The following LRRC37A2 variants were observed in gnomAD, a reference collection of about 807,000 sequenced individuals.
LRRC37A2 encodes leucine rich repeat containing 37 member A2, also known as leucine-rich repeat-containing protein 37A2.
LRRC37A2 carries 9 observed loss-of-function variants against 68.8 expected under a neutral mutation model. The observed-to-expected ratio is 0.13, with a 90% CI of 0.08 to 0.23. LRRC37A2 has a LOEUF of 0.23. Ranked by LOEUF, LRRC37A2 falls within the 10% of genes least tolerant of loss-of-function variation. The probability of loss-of-function intolerance (pLI) is 1.00; values close to 1 mark genes in which losing one functional copy is unlikely to be tolerated. For synonymous variants in LRRC37A2, 63 were observed against 367.6 expected (o/e 0.17, Z 9.48); for missense variants, 168 against 950.4 (o/e 0.18, Z 10.82).
chr17:46,928,210 T>C, the LRRC37A2 span, among the ~76,000 whole-genome samples: 1 of 152,304 alleles, frequency 6.6e-6, no homozygotes, highest in Admixed American at 6.5e-5. Context: ...GGGAGTCATT[T>C]GACAGCTCAC....
At chr17:46,786,286 G>A in the LRRC37A2 span, among the ~76,000 whole-genome samples, 1 of 152,124 alleles carries the variant, frequency 6.6e-6, no homozygotes, top group African/African-American at 2.4e-5. Flanking sequence ...AGAAGCGGGG[G>A]ATGGAGGGGT....
the LRRC37A2 span, chr17:46,704,937 G>A: frequency 1.2e-5 from 17 of 1,384,904 alleles, no homozygotes; most frequent in Non-Finnish European, 1.7e-5. Context: ...CATTTACTCA[G>A]TATTATGGAA....
chr17:46,905,504 C>T, the LRRC37A2 span, among the ~76,000 whole-genome samples: 2 of 152,202 alleles, frequency 1.3e-5, no homozygotes, highest in African/African-American at 2.4e-5. Flanking sequence ...TCAGCTGAGT[C>T]GTAAGTTGTT....
At chr17:46,575,581 T>C in the LRRC37A2 span, among the ~76,000 whole-genome samples, 1 of 118,838 alleles carries the variant, frequency 8.4e-6, no homozygotes, top group African/African-American at 3.2e-5. Context: ...GTTTTGCCCA[T>C]TATCTTTTTC....
At chr17:46,377,673 G>T in the LRRC37A2 span, among the ~76,000 whole-genome samples, 1 of 60,600 alleles carries the variant, frequency 1.7e-5, no homozygotes, top group Non-Finnish European at 8.0e-5. Flanking sequence ...GGGTTCAAGC[G>T]ATTCTCCCGC....
the LRRC37A2 span, chr17:47,017,249 G>A: frequency 6.2e-7 from 1 of 1,611,494 alleles, no homozygotes; most frequent in African/African-American, 1.3e-5. Context: ...TGCGTTTCTG[G>A]GGCCCATGGC....
chr17:46,933,805 A>C, the LRRC37A2 span, among the ~76,000 whole-genome samples: 1 of 151,958 alleles, frequency 6.6e-6, no homozygotes, highest in Non-Finnish European at 1.5e-5. Flanking sequence ...TCTACAAAAA[A>C]ATATAAAAAT....
chr17:46,907,689 CAA>C, the LRRC37A2 span, among the ~76,000 whole-genome samples: 1 of 123,978 alleles, frequency 8.1e-6, no homozygotes, highest in African/African-American at 3.5e-5. Flanking sequence ...AAAAAAAAAA[CAA>C]AAAACCCAAA....
chr17:46,935,745 A>C, the LRRC37A2 span: 1 of 987,704 alleles, frequency 1.0e-6, no homozygotes. Context: ...TATTCCTAGA[A>C]GCCCTGACCA....
chr17:46,737,830 C>T, the LRRC37A2 span, among the ~76,000 whole-genome samples: 1 of 151,816 alleles, frequency 6.6e-6, no homozygotes, highest in African/African-American at 2.4e-5. Context: ...TAGTCAGGGC[C>T]ATTGTGCCAT....
At chr17:46,928,455 G>A in the LRRC37A2 span, among the ~76,000 whole-genome samples, 28 of 152,126 alleles carry the variant, frequency 1.8e-4, no homozygotes, top group African/African-American at 6.5e-4. Context: ...AATCTCCACC[G>A]TGAGCACCGG....
At chr17:46,760,844 T>G in the LRRC37A2 span, among the ~76,000 whole-genome samples, 2 of 152,158 alleles carry the variant, frequency 1.3e-5, no homozygotes, top group African/African-American at 2.4e-5. Context: ...CAGTCTAAAC[T>G]GTTTCATGCA....
At chr17:46,943,394 C>A in the LRRC37A2 span, among the ~76,000 whole-genome samples, 1 of 152,240 alleles carries the variant, frequency 6.6e-6, no homozygotes, top group African/African-American at 2.4e-5. Context: ...GTGTTCCGTC[C>A]TCCCTGGACT....
the LRRC37A2 span, among the ~76,000 whole-genome samples, chr17:46,938,242 T>C: frequency 6.6e-6 from 1 of 152,208 alleles, no homozygotes; most frequent in Non-Finnish European, 1.5e-5. Flanking sequence ...TTTAATTCTA[T>C]GAACCATCTC....
At chr17:46,745,406 T>C in the LRRC37A2 span, among the ~76,000 whole-genome samples, 1 of 152,226 alleles carries the variant, frequency 6.6e-6, no homozygotes, top group Admixed American at 6.5e-5. Context: ...TTTGCAGTTT[T>C]TGGAGTCTTG....
At chr17:46,966,943 A>G in the LRRC37A2 span, 1 of 377,320 alleles carries the variant, frequency 2.7e-6, no homozygotes, top group Admixed American at 4.5e-5. Flanking sequence ...GCTAGAGAAA[A>G]TGCTCACCTT....
At chr17:47,033,356 T>C in the LRRC37A2 span, 1 of 698,152 alleles carries the variant, frequency 1.4e-6, no homozygotes, top group Non-Finnish European at 2.6e-6. Context: ...AGGAGCTTGG[T>C]GTGGGGAGAT....
At chr17:46,979,682 G>T in the LRRC37A2 span, among the ~76,000 whole-genome samples, 3 of 151,796 alleles carry the variant, frequency 2.0e-5, no homozygotes, top group Non-Finnish European at 4.4e-5. Flanking sequence ...CAGCTTTCCC[G>T]GGGTGAAAGC....
the LRRC37A2 span, chr17:46,818,874 G>A: frequency 1.9e-6 from 1 of 521,334 alleles, no homozygotes; most frequent in African/African-American, 1.9e-5. Context: ...CCCACAACTC[G>A]GGCTCCGGGA....
Sources: allele counts gnomAD v4.1 joint callset (sites outside exome capture counted in the v4.1 genomes callset), GRCh38; gene constraint gnomAD v4.1.1; transcripts MANE v1.5; gene names NCBI Gene and HGNC (gene_info 2026-07-23, HGNC 2026-07-21).